PGAP1: variants seen among roughly 807,000 people sequenced by gnomAD.
PGAP1 encodes GPI inositol-deacylase.
A neutral mutation model predicts 127.0 loss-of-function variants in PGAP1; 76 were observed. The observed-to-expected ratio is 0.60, with a 90% confidence interval of 0.50 to 0.72. The LOEUF is 0.72. PGAP1 is among the 30% of genes least tolerant of loss of function. The pLI, the probability that PGAP1 is intolerant of heterozygous loss-of-function variation, is 0.00. For missense variants in PGAP1, 982 were observed against 1,071.3 expected (o/e 0.92, Z 1.16); for synonymous variants, 362 against 366.5 (o/e 0.99, Z 0.14).
rs759181773 is a variant in PGAP1, at chr2:196,834,753, T to C, written c.*6481A>G. On this transcript the variant is annotated 3_prime_UTR_variant, in exon 27 of 27. Coordinates refer to ENST00000354764, the MANE Select transcript of PGAP1 (RefSeq NM_024989.4). Reference sequence around the variant, plus strand: ...ATTCCAACAAATACATATTTGATTATATAGAAAGCATGATTATGTTAAATA... The same window carrying C: ...ATTCCAACAAATACATATTTGATTACATAGAAAGCATGATTATGTTAAATA... 5 of 151,940 alleles carry C rather than the reference T, an allele frequency of 3.3e-5. No individual in the cohort carries two copies. The highest frequency in any genetic ancestry group is 9.7e-5 in the African/African-American group (4 of 41,434). 9.4% of individuals were successfully genotyped at this position (151,940 alleles called of 1,614,324 possible). A position where few individuals can be genotyped will look rare whatever the true frequency, so the allele number is the denominator to read the frequency against.
At chr2:196,842,028 GTTTAT>G (rs1700426468) in intron 26 of PGAP1, among the ~76,000 whole-genome samples, 1 of 149,954 alleles carries the variant, frequency 6.7e-6, no homozygotes. Flanking sequence ...CTACAGAAAT[GTTTAT>G]TTTAACCCTA....
chr2:196,924,672 G>A (rs1480516680), intron 1 of PGAP1, among the ~76,000 whole-genome samples: 3 of 152,016 alleles, frequency 2.0e-5, no homozygotes, highest in Non-Finnish European at 4.4e-5. Flanking sequence ...CCCCAAAAAA[G>A]CAACTTAAAC....
rs147223276 is a variant in PGAP1, at chr2:196,845,340, A to G, written c.2286+542T>C. 1.1e-3 allele frequency among the ~76,000 whole-genome samples: 161 copies of G among 150,770 alleles called. No individual in the cohort carries two copies. In the East Asian group the frequency reaches 0.019, roughly 18 times the overall value. On this transcript the variant is annotated intron_variant, in intron 23 of 26. Coordinates refer to ENST00000354764, the MANE Select transcript of PGAP1 (RefSeq NM_024989.4). ...AATAACATGGAGAGAATACACTTGT[A>G]TTACCTCCTGGATTTTTTTTTTTTT...
chr2:196,900,721 C>A (rs901940866), intron 5 of PGAP1, among the ~76,000 whole-genome samples: 1 of 152,024 alleles, frequency 6.6e-6, no homozygotes, highest in Non-Finnish European at 1.5e-5. Context: ...GTCAGGAGAT[C>A]GAGACCATCC....
At chr2:196,878,354 A>G (rs1701628317) in intron 13 of PGAP1, among the ~76,000 whole-genome samples, 1 of 152,188 alleles carries the variant, frequency 6.6e-6, no homozygotes, top group African/African-American at 2.4e-5. Context: ...TTTGTGCATG[A>G]AACAAAATTT....
intron 3 of PGAP1, among the ~76,000 whole-genome samples, chr2:196,913,870 T>C (rs2125835192): frequency 1.3e-5 from 2 of 152,348 alleles, no homozygotes; most frequent in Middle Eastern, 6.8e-3. Flanking sequence ...AAACTGTTTG[T>C]GCAAACAACA....
chr2:196,885,737 T>G lies in PGAP1; in HGVS notation c.1220+97A>C, dbSNP rs759772973. 6 of 782,084 alleles carry G rather than the reference T, an allele frequency of 7.7e-6. No homozygotes were observed. In the Admixed American group the frequency reaches 2.2e-4, roughly 28 times the overall value. The allele number at this position is 782,084 out of a possible 1,614,324, so 48.4% of individuals were successfully genotyped here. On this transcript the variant is annotated intron_variant, in intron 11 of 26. Transcript: ENST00000354764. ...AACAATATTATAATTTCATATAGCA[T>G]CAAAATGAAAATAACAATGTATGAA...
intron 16 of PGAP1, 79 bp downstream of exon 16, chr2:196,873,449 T>C (rs1371043718): frequency 1.2e-5 from 11 of 955,856 alleles, no homozygotes; most frequent in East Asian, 7.9e-5. Context: ...ATAAGTATTA[T>C]AGAAAATTTG....
chr2:196,900,589 CATCAGAGATACAGAA>C (rs1371828459), intron 5 of PGAP1, among the ~76,000 whole-genome samples: 1 of 152,162 alleles, frequency 6.6e-6, no homozygotes, highest in African/African-American at 2.4e-5. Context: ...AAAATATCTT[CATCAGAGATACAGAA>C]ATCAGAGATA....
chr2:196,889,628 G>A lies in PGAP1; in HGVS notation c.1173+1200C>T, dbSNP rs192119431. ...TCCCAGCACTTTGGGAGGCCGAGGC[G>A]GGCGGATCACGAGGTCAGGAGATCG... On this transcript the variant is annotated intron_variant, in intron 10 of 26. Coordinates refer to ENST00000354764, the MANE Select transcript of PGAP1 (RefSeq NM_024989.4). Among the ~76,000 whole-genome samples, 16 of 151,882 alleles carry A rather than the reference G, an allele frequency of 1.1e-4. 1 individual carries two copies. The highest frequency in any genetic ancestry group is 2.0e-4 in the Admixed American group (3 of 15,248).
intron 20 of PGAP1, among the ~76,000 whole-genome samples, chr2:196,859,731 GATAA>G (rs759743992): frequency 5.3e-5 from 8 of 152,030 alleles, no homozygotes; most frequent in Non-Finnish European, 1.0e-4. Context: ...CAATCAATAT[GATAA>G]ATAACACAAA....
intron 5 of PGAP1, among the ~76,000 whole-genome samples, chr2:196,902,020 T>A (rs1214383498): frequency 6.6e-6 from 1 of 152,024 alleles, no homozygotes; most frequent in Non-Finnish European, 1.5e-5. Context: ...TTGTACTTAC[T>A]TTTTTTTGTT....
rs374512089 is a variant in PGAP1 at position 196,898,312 on chromosome 2, C to T, written c.860+5G>A. The T allele has an allele frequency of 5.0e-6, 8 of 1,595,708 alleles. No homozygotes were observed. The highest frequency in any genetic ancestry group is 1.1e-5 in the South Asian group (1 of 89,938). ...TCAAAACAAGTTATACAAGTATTAA[C>T]TTACCACACAATGGAGAGGTGGTCT... is the stretch of plus-strand genomic sequence containing the variant. On this transcript the variant is annotated splice_donor_5th_base_variant and intron_variant, in intron 6 of 26. Coordinates refer to ENST00000354764, the MANE Select transcript of PGAP1 (RefSeq NM_024989.4).
chr2:196,856,571 T>A (rs1003512100), intron 20 of PGAP1, among the ~76,000 whole-genome samples: 1 of 152,198 alleles, frequency 6.6e-6, no homozygotes, highest in African/African-American at 2.4e-5. Context: ...AAGCTGAAAC[T>A]AGATGCATTT....
At chr2:196,922,886 C>T (rs147454369) in intron 1 of PGAP1, among the ~76,000 whole-genome samples, 1,526 of 151,534 alleles carry the variant, frequency 0.01, 20 homozygotes, top group African/African-American at 0.035. Flanking sequence ...GACAGGGTTT[C>T]GCCATGTTAT....
chr2:196,924,160 T>G (rs2125843903), intron 1 of PGAP1, among the ~76,000 whole-genome samples: 1 of 152,266 alleles, frequency 6.6e-6, no homozygotes, highest in African/African-American at 2.4e-5. Context: ...TGCCCCATCT[T>G]TTAAAAAAAT....
chr2:196,872,755 G>C, intron 17 of PGAP1: 1 of 567,592 alleles, frequency 1.8e-6, no homozygotes, highest in Non-Finnish European at 3.1e-6. Context: ...GGTGGAAGGG[G>C]GTTCAGGTTC....
At position 196,839,046 on chromosome 2, in the gene PGAP1, AACAAAC is replaced by A. The variant is rs1700327782; in HGVS notation, c.*2182_*2187del. On this transcript the variant is annotated 3_prime_UTR_variant, in exon 27 of 27. Transcript: ENST00000354764. ...TGACAGCGTGAGACTCCATCTCAAA[AACAAAC>A]AAACAAACAAACAAAAAGCAAATGT... 1 of 153,978 alleles carries A rather than the reference AACAAAC, an allele frequency of 6.5e-6. No individual in the cohort carries two copies. The highest frequency in any genetic ancestry group is 2.1e-4 in the South Asian group (1 of 4,842). 9.5% of individuals were successfully genotyped at this position (153,978 alleles called of 1,614,324 possible).
intron 20 of PGAP1, among the ~76,000 whole-genome samples, chr2:196,863,411 CAT>C (rs1407461792): frequency 1.3e-5 from 2 of 152,140 alleles, no homozygotes; most frequent in Non-Finnish European, 2.9e-5. Context: ...GAAATTCTAT[CAT>C]CTGCAGCAAC....
Sources: gnomAD v4.1 joint callset for allele counts (sites outside exome capture counted in the v4.1 genomes callset) on GRCh38, gnomAD v4.1.1 for gene constraint, MANE v1.5 for transcripts, NCBI Gene and HGNC (gene_info 2026-07-23, HGNC 2026-07-21) for gene names.